KIF21A: variants seen among roughly 807,000 people sequenced by gnomAD.
KIF21A encodes kinesin-like protein KIF21A.
Under a neutral mutation model 202.9 loss-of-function variants are expected in KIF21A, and 114 were observed. That is an observed-to-expected ratio of 0.56 (90% CI 0.48 to 0.66). KIF21A has a LOEUF of 0.66. KIF21A is among the 30% of genes least tolerant of loss of function. KIF21A has a pLI of 0.00. For synonymous variants in KIF21A, 667 were observed against 670.8 expected, an observed-to-expected ratio of 0.99 and a Z score of 0.09; for missense variants, 1,677 against 1,994.9, an observed-to-expected ratio of 0.84 and a Z score of 3.04.
At chr12:39,416,520 C>T (rs1372788064) in intron 1 of KIF21A, among the ~76,000 whole-genome samples, 7 of 150,986 alleles carry the variant, frequency 4.6e-5, no homozygotes, top group African/African-American at 1.5e-4. Flanking sequence ...CGCTTGAACC[C>T]GGGAGGTGGA....
intron 37 of KIF21A, among the ~76,000 whole-genome samples, chr12:39,297,585 T>G (rs1942514907): frequency 5.5e-5 from 1 of 18,296 alleles, no homozygotes; most frequent in Non-Finnish European, 1.0e-4. Context: ...TGGGGACTGT[T>G]GTGGGGTGGG....
At chr12:39,374,375 C>G (rs2139277779) in intron 1 of KIF21A, among the ~76,000 whole-genome samples, 1 of 152,136 alleles carries the variant, frequency 6.6e-6, no homozygotes, top group East Asian at 1.9e-4. Flanking sequence ...TGCATCTAGT[C>G]CCAACACTAA....
intron 1 of KIF21A, among the ~76,000 whole-genome samples, chr12:39,403,382 T>C (rs962989375): frequency 6.6e-6 from 1 of 152,252 alleles, no homozygotes; most frequent in Non-Finnish European, 1.5e-5. Context: ...TCATTTCTGA[T>C]GATACATTTG....
chr12:39,317,606 C>G (rs1944697702), intron 29 of KIF21A, among the ~76,000 whole-genome samples: 1 of 152,134 alleles, frequency 6.6e-6, no homozygotes, highest in African/African-American at 2.4e-5. Context: ...TTGTGGTGAA[C>G]TTGTCTAGAA....
At chr12:39,300,394 C>T (rs904210583) in intron 37 of KIF21A, among the ~76,000 whole-genome samples, 2 of 152,006 alleles carry the variant, frequency 1.3e-5, no homozygotes, top group African/African-American at 4.8e-5. Context: ...CAAAATAAAT[C>T]GGCTCTGATG....
At chr12:39,362,360 T>C (rs759517352) in intron 7 of KIF21A, among the ~76,000 whole-genome samples, 10 of 152,202 alleles carry the variant, frequency 6.6e-5, no homozygotes, top group Non-Finnish European at 1.2e-4. Context: ...AAATATGATG[T>C]TACATTATTG....
intron 32 of KIF21A, among the ~76,000 whole-genome samples, chr12:39,310,404 T>A (rs1395408888): frequency 6.6e-6 from 1 of 152,052 alleles, no homozygotes; most frequent in African/African-American, 2.4e-5. Context: ...TGGGATCTTA[T>A]ACTTCCCTCA....
chr12:39,367,563 G>A (rs1255123539), intron 4 of KIF21A, among the ~76,000 whole-genome samples: 1 of 152,108 alleles, frequency 6.6e-6, no homozygotes, highest in Non-Finnish European at 1.5e-5. Context: ...ATAGGTTAAA[G>A]CAAAAAGTAC....
At chr12:39,382,012 C>T (rs1950647172) in intron 1 of KIF21A, among the ~76,000 whole-genome samples, 1 of 152,164 alleles carries the variant, frequency 6.6e-6, no homozygotes, top group South Asian at 2.1e-4. Flanking sequence ...ATGGGGACCT[C>T]AGTCATATAA....
intron 1 of KIF21A, among the ~76,000 whole-genome samples, chr12:39,399,999 T>C (rs923292986): frequency 2.0e-5 from 3 of 152,238 alleles, no homozygotes; most frequent in African/African-American, 7.2e-5. Flanking sequence ...TTTATTCTAT[T>C]TACCACATGT....
intron 1 of KIF21A, among the ~76,000 whole-genome samples, chr12:39,391,124 T>A (rs1254486255): frequency 6.6e-6 from 1 of 152,198 alleles, no homozygotes; most frequent in Non-Finnish European, 1.5e-5. Flanking sequence ...ACTGATTCCA[T>A]CACTGAAACA....
chr12:39,305,004 A>T, intron 34 of KIF21A, 66 bp from the exon 35 acceptor site: 1 of 772,126 alleles, frequency 1.3e-6, no homozygotes, highest in Non-Finnish European at 2.3e-6. Context: ...CTAAGCCTCA[A>T]CATAAACGAT....
chr12:39,435,500 C>T (rs891319260), intron 1 of KIF21A, among the ~76,000 whole-genome samples: 4 of 152,008 alleles, frequency 2.6e-5, no homozygotes, highest in African/African-American at 4.8e-5. Flanking sequence ...GGTGACAGGC[C>T]TCCATTACAA....
intron 1 of KIF21A, among the ~76,000 whole-genome samples, chr12:39,423,268 C>A (rs1455584031): frequency 8.5e-5 from 13 of 152,048 alleles, no homozygotes; most frequent in Admixed American, 8.5e-4. Flanking sequence ...GAGTTTTTTT[C>A]TTGCTCCCTA....
Position 39,333,297 on chromosome 12 carries a change from A to C in KIF21A, c.2419-17T>G, listed in dbSNP as rs762280053. 3.4e-6 allele frequency: 5 copies of C among 1,456,806 alleles called. No homozygotes were observed. The highest frequency in any genetic ancestry group is 2.3e-5 in the East Asian group (1 of 44,132). 90.2% of individuals were successfully genotyped at this position (1,456,806 alleles called of 1,614,324 possible). On this transcript the variant is annotated splice_polypyrimidine_tract_variant and intron_variant, in intron 17 of 37. Transcript: ENST00000361418. ...AAGTTGATGCTATAAAATAATATTA[A>C]ATAAGTGGAAATAGTAAAGTGAAAG... is the stretch of plus-strand genomic sequence containing the variant.
chr12:39,374,759 C>A (rs1017271507), intron 1 of KIF21A, among the ~76,000 whole-genome samples: 1 of 152,128 alleles, frequency 6.6e-6, no homozygotes, highest in African/African-American at 2.4e-5. Context: ...AAGCATTTAA[C>A]CATGCTACAT....
chr12:39,326,940 A>T (rs1047698728), intron 24 of KIF21A, among the ~76,000 whole-genome samples: 2 of 152,246 alleles, frequency 1.3e-5, no homozygotes, highest in African/African-American at 4.8e-5. Flanking sequence ...ACTAATACAA[A>T]TAAACCACTG....
intron 1 of KIF21A, among the ~76,000 whole-genome samples, chr12:39,433,645 G>A (rs2140388993): frequency 6.6e-6 from 1 of 152,224 alleles, no homozygotes; most frequent in East Asian, 1.9e-4. Flanking sequence ...CAAAACTACT[G>A]TTAATCTCAC....
intron 1 of KIF21A, among the ~76,000 whole-genome samples, chr12:39,430,783 T>C (rs1448194983): frequency 6.6e-6 from 1 of 151,968 alleles, no homozygotes; most frequent in Non-Finnish European, 1.5e-5. Context: ...TGTTTGAGGG[T>C]AGGGCCTTTG....
Sources: allele counts gnomAD v4.1 joint callset (sites outside exome capture counted in the v4.1 genomes callset), GRCh38; gene constraint gnomAD v4.1.1; transcripts MANE v1.5; gene names NCBI Gene and HGNC (gene_info 2026-07-23, HGNC 2026-07-21).